Variants in SENP7 observed in about 807,000 individuals in gnomAD.
The protein encoded by SENP7 is SUMO specific peptidase 7, also known as sentrin-specific protease 7.
In SENP7, 64 loss-of-function variants were observed where a neutral mutation model predicts 141.2. That is an observed-to-expected ratio of 0.45 (90% confidence interval 0.37 to 0.56). The LOEUF is 0.56. Ranked by LOEUF, SENP7 falls within the 20% of genes least tolerant of loss-of-function variation. The pLI is 0.00. For missense variants in SENP7, 1,025 were observed against 1,212.2 expected (o/e 0.85, Z 2.29); for synonymous variants, 382 against 426.4 (o/e 0.90, Z 1.28).
chr3:101,364,770 TAAC>T, intron 10 of SENP7, 61 bp downstream of exon 10: 1 of 1,139,920 alleles, frequency 8.8e-7, no homozygotes. Context: ...ATAAAACAAA[TAAC>T]AGTCATTAAC....
At chr3:101,397,625 A>C (rs1245003552) in intron 6 of SENP7, among the ~76,000 whole-genome samples, 1 of 152,254 alleles carries the variant, frequency 6.6e-6, no homozygotes, top group Non-Finnish European at 1.5e-5. Context: ...CCAAAAGAAG[A>C]AAAATTCAAG....
rs116813962 is a variant in SENP7 at position 101,393,021 on chromosome 3, A to G, written c.677+5840T>C. ...TACATAGACCAATGGAACAGAATAGAAAACCCAGAAATAAATCCCCATATT... is the reference window on the plus strand; with the variant it reads ...TACATAGACCAATGGAACAGAATAGGAAACCCAGAAATAAATCCCCATATT... On this transcript the variant is annotated intron_variant, in intron 6 of 23. Coordinates refer to ENST00000394095, the MANE Select transcript of SENP7 (RefSeq NM_020654.5). Among the ~76,000 whole-genome samples, 1,459 of 152,312 alleles carry G rather than the reference A, an allele frequency of 9.6e-3. 23 individuals carry two copies. Among genetic ancestry groups the G allele is most frequent in the African/African-American group, 0.033 (1,385 of 41,568 alleles).
At chr3:101,414,288 C>T in intron 5 of SENP7, 1 of 716,038 alleles carries the variant, frequency 1.4e-6, no homozygotes, top group East Asian at 2.5e-5. Context: ...AGAGAGAGAA[C>T]ATCCGGAAGA....
At chr3:101,374,573 T>C (rs1235515143) in intron 6 of SENP7, among the ~76,000 whole-genome samples, 1 of 150,750 alleles carries the variant, frequency 6.6e-6, no homozygotes, top group African/African-American at 2.4e-5. Context: ...CTGGGGAACA[T>C]AATTCATTAT....
chr3:101,416,530 C>T (rs543124102), intron 5 of SENP7, among the ~76,000 whole-genome samples: 213 of 152,256 alleles, frequency 1.4e-3, no homozygotes, highest in Non-Finnish European at 2.1e-3. Context: ...AAGAAATCTG[C>T]TAGAACATAG....
chr3:101,438,825 C>T (rs545106340), intron 4 of SENP7, among the ~76,000 whole-genome samples: 7 of 152,210 alleles, frequency 4.6e-5, no homozygotes, highest in East Asian at 3.9e-4. Flanking sequence ...TTTGCCGCCG[C>T]GCCGGCGAGC....
intron 4 of SENP7, among the ~76,000 whole-genome samples, chr3:101,438,809 T>C (rs2062491630): frequency 6.7e-6 from 1 of 150,022 alleles, no homozygotes; most frequent in African/African-American, 2.4e-5. Context: ...AGAATGAGTA[T>C]CGGTCTTTGC....
chr3:101,491,143 G>A, intron 3 of SENP7, among the ~76,000 whole-genome samples: 1 of 78,930 alleles, frequency 1.3e-5, no homozygotes, highest in Non-Finnish European at 2.8e-5. Flanking sequence ...TTTTTTTTTT[G>A]AGACAGGGTC....
chr3:101,372,080 T>C lies in SENP7; in HGVS notation c.724A>G (p.Thr242Ala). Residue 242 changes from threonine (T) to alanine (A), a missense_variant, in exon 7 of 24, where the codon ACT becomes GCT. This residue lies in a region of SENP7 where 496 missense variants were observed against 503.5 expected (regional missense o/e 0.99). Transcript: ENST00000394095. ...KTVDDNSAKQ[T>A]AHNKEKRRKD... is the part of the protein sequence containing the mutation. ...CTTCGTTTTTCTTTATTGTGCGCAG[T>C]CTGCTTTGCAGAATTGTCATCTACT... 6.4e-7 allele frequency: 1 copy of C among 1,570,352 alleles called. No individual in the cohort carries two copies. Among genetic ancestry groups the C allele is most frequent in the Non-Finnish European group, 8.7e-7 (1 of 1,151,456 alleles).
chr3:101,455,480 C>T (rs992798353), intron 4 of SENP7, among the ~76,000 whole-genome samples: 1 of 152,040 alleles, frequency 6.6e-6, no homozygotes, highest in Non-Finnish European at 1.5e-5. Flanking sequence ...TGCTCATGTA[C>T]TCTTATGACT....
chr3:101,485,350 G>C (rs1215233054), intron 3 of SENP7, among the ~76,000 whole-genome samples: 1 of 152,022 alleles, frequency 6.6e-6, no homozygotes, highest in South Asian at 2.1e-4. Context: ...CCCTCATAGA[G>C]TCCATTGCAC....
At chr3:101,405,074 C>T (rs1019097154) in intron 5 of SENP7, among the ~76,000 whole-genome samples, 1 of 152,130 alleles carries the variant, frequency 6.6e-6, no homozygotes, top group African/African-American at 2.4e-5. Context: ...ACAGACAGAG[C>T]AGCATGTGGA....
At chr3:101,370,277 CTGT>C (rs2060142566) in intron 7 of SENP7, among the ~76,000 whole-genome samples, 1 of 152,106 alleles carries the variant, frequency 6.6e-6, no homozygotes, top group African/African-American at 2.4e-5. Flanking sequence ...AATGTGAGGA[CTGT>C]TAGTCCTCAC....
chr3:101,359,489 T>C (rs2059834451), intron 11 of SENP7, among the ~76,000 whole-genome samples: 1 of 151,702 alleles, frequency 6.6e-6, no homozygotes, highest in Non-Finnish European at 1.5e-5. Context: ...TCTTTCTTTC[T>C]CTTGCCTGAT....
At chr3:101,352,676 T>C (rs1489284874) in intron 11 of SENP7, among the ~76,000 whole-genome samples, 2 of 151,994 alleles carry the variant, frequency 1.3e-5, no homozygotes, top group Non-Finnish European at 2.9e-5. Context: ...CTTGGTTAAG[T>C]TTTGTTGTTG....
intron 4 of SENP7, among the ~76,000 whole-genome samples, chr3:101,449,897 C>T (rs1372280768): frequency 6.6e-6 from 1 of 152,124 alleles, no homozygotes; most frequent in Non-Finnish European, 1.5e-5. Flanking sequence ...GGGCTAAATG[C>T]TCCAATTAAA....
chr3:101,434,950 A>G (rs2062326493), intron 4 of SENP7, among the ~76,000 whole-genome samples: 1 of 152,000 alleles, frequency 6.6e-6, no homozygotes, highest in African/African-American at 2.4e-5. Flanking sequence ...CACCAAAACC[A>G]AACAAAGAAA....
chr3:101,453,779 A>C (rs1219366240), intron 4 of SENP7, among the ~76,000 whole-genome samples: 2 of 152,122 alleles, frequency 1.3e-5, no homozygotes, highest in Non-Finnish European at 2.9e-5. Context: ...TGATGAGTTA[A>C]TGGGTGCAGC....
chr3:101,457,564 T>C (rs568912223), intron 4 of SENP7: 29 of 1,598,344 alleles, frequency 1.8e-5, no homozygotes, highest in Non-Finnish European at 2.3e-5. Context: ...ATACCAAAGA[T>C]ATTGTTTACC....
Sources: gnomAD v4.1 joint callset for allele counts (sites outside exome capture counted in the v4.1 genomes callset) on GRCh38, gnomAD v4.1.1 for gene constraint, gnomAD v4.1.1 regional missense constraint, MANE v1.5 for transcripts, NCBI Gene and HGNC (gene_info 2026-07-23, HGNC 2026-07-21) for gene names.